IL6R: variants seen among roughly 807,000 people sequenced by gnomAD.
IL6R encodes interleukin-6 receptor subunit alpha.
IL6R carries 38 observed loss-of-function variants against 48.3 expected under a neutral mutation model. The ratio of observed to expected loss-of-function variants is 0.79; its 90% CI spans 0.61 to 1.03. The LOEUF (loss-of-function observed/expected upper bound fraction) is 1.03. IL6R is among the 50% of genes least tolerant of loss of function. The pLI, the probability that IL6R is intolerant of heterozygous loss-of-function variation, is 0.00. For missense variants in IL6R, 534 were observed against 618.3 expected (o/e 0.86, Z 1.45); for synonymous variants, 264 against 256.2 (o/e 1.03, Z -0.29).
intron 8 of IL6R, among the ~76,000 whole-genome samples, chr1:154,450,242 C>T (rs1305107227): frequency 6.6e-6 from 1 of 152,024 alleles, no homozygotes; most frequent in African/African-American, 2.4e-5. Flanking sequence ...TCTCCTGCCT[C>T]AGCCTCCCAA....
rs537961306 is a variant in IL6R, at chr1:154,454,277, G to GAAAC, written c.1067-191_1067-188dup. On this transcript the variant is annotated intron_variant, in intron 8 of 9. Transcript: ENST00000368485. ...TGGAATCTAGAGTGGGCTTTGTTAA[G>GAAAC]AAACAAACAAACAAACAAACAAAAA... The GAAAC allele has an allele frequency of 7.9e-4, 463 of 582,452 alleles. 1 individual carries two copies. Among genetic ancestry groups the GAAAC allele is most frequent in the African/African-American group, 5.3e-3 (284 of 53,564 alleles). 36.1% of individuals were successfully genotyped at this position (582,452 alleles called of 1,614,324 possible). A position where few individuals can be genotyped will look rare whatever the true frequency, so the allele number is the denominator to read the frequency against.
intron 1 of IL6R, among the ~76,000 whole-genome samples, chr1:154,426,965 C>G (rs1461179973): frequency 6.7e-6 from 1 of 150,028 alleles, no homozygotes; most frequent in Non-Finnish European, 1.5e-5. Context: ...TTTGCCCAGG[C>G]TGGAGTGCAG....
intron 9 of IL6R, among the ~76,000 whole-genome samples, chr1:154,460,453 T>A (rs1451525007): frequency 1.3e-5 from 2 of 152,180 alleles, no homozygotes; most frequent in African/African-American, 4.8e-5. Flanking sequence ...GGACAGAGAT[T>A]GCTTCCATAT....
intron 8 of IL6R, 122 bp downstream of exon 8, chr1:154,450,102 T>TTGTGTGTGTG (rs762323280): frequency 1.9e-5 from 9 of 463,406 alleles, no homozygotes; most frequent in East Asian, 1.6e-4. Flanking sequence ...CGCAGAAATG[T>TTGTGTGTGTG]TCTGTGTGTG....
In IL6R at chr1:154,458,857, C is replaced by T. The variant is rs570766655; in HGVS notation, c.1160+4276C>T. Among the ~76,000 whole-genome samples, 426 of 150,964 alleles carry T rather than the reference C, an allele frequency of 2.8e-3. 6 individuals are homozygous for T. The highest frequency in any genetic ancestry group is 0.014 in the South Asian group (65 of 4,788). ...CAGAGGTTGCAGTGAGCCGAGATCG[C>T]GCCACTGCACTCCAGCCTGGGCAGC... On this transcript the variant is annotated intron_variant, in intron 9 of 9. Coordinates refer to ENST00000368485, the MANE Select transcript of IL6R (RefSeq NM_000565.4).
At chr1:154,442,086 G>A (rs919403419) in intron 6 of IL6R, among the ~76,000 whole-genome samples, 2 of 152,144 alleles carry the variant, frequency 1.3e-5, no homozygotes, top group Non-Finnish European at 2.9e-5. Context: ...GGATGCCATC[G>A]TGAACTCACT....
At chr1:154,440,239 T>C (rs778339409) in intron 6 of IL6R, among the ~76,000 whole-genome samples, 5 of 152,208 alleles carry the variant, frequency 3.3e-5, no homozygotes, top group Non-Finnish European at 7.3e-5. Context: ...CAGACTTTCC[T>C]CCCTTTTTAA....
intron 3 of IL6R, 107 bp downstream of exon 3, chr1:154,430,713 T>G: frequency 7.0e-7 from 1 of 1,424,134 alleles, no homozygotes; most frequent in Non-Finnish European, 9.7e-7. Context: ...TAGGAATTAA[T>G]TCCTTCAGGC....
rs781365292 is a variant in IL6R at position 154,434,503 on chromosome 1, G to A, written c.459-16G>A. 1.2e-6 allele frequency: 2 copies of A among 1,608,104 alleles called. No homozygotes were observed. The highest frequency in any genetic ancestry group is 1.7e-5 in the Admixed American group (1 of 59,128). The stretch of plus-strand genomic sequence containing the variant: ...AAACTGACAGGCAAGCCCTGCCCTT[G>A]TTTTGTGTCTAACAGTCAGAACAGT... On this transcript the variant is annotated splice_polypyrimidine_tract_variant and intron_variant, in intron 3 of 9. Transcript: ENST00000368485.
At chr1:154,420,901 A>G (rs751105636) in intron 1 of IL6R, among the ~76,000 whole-genome samples, 1 of 152,180 alleles carries the variant, frequency 6.6e-6, no homozygotes, top group Non-Finnish European at 1.5e-5. Context: ...CCAACCCCAC[A>G]CAATTAATAG....
chr1:154,425,146 C>T (rs980417581), intron 1 of IL6R, among the ~76,000 whole-genome samples: 12 of 152,100 alleles, frequency 7.9e-5, no homozygotes, highest in African/African-American at 7.2e-5. Flanking sequence ...GGTGTGGCGC[C>T]GGGCTGTCTG....
In IL6R at chr1:154,465,153, C is replaced by T. The variant is rs776702105; in HGVS notation, c.1180C>T (p.Leu394=). 12 of 1,614,144 alleles carry T rather than the reference C, an allele frequency of 7.4e-6. No homozygotes were observed. The highest frequency in any genetic ancestry group is 1.0e-5 in the Non-Finnish European group (12 of 1,180,040). The change falls in exon 10 of 10, where the codon CTG becomes TTG. Residue 394 remains leucine (L), a synonymous_variant. Transcript: ENST00000368485. ...GTGAAGGTTCAAGAAGACGTGGAAG[C>T]TGCGGGCTCTGAAGGAAGGCAAGAC... ...IVLRFKKTWK[L]RALKEGKTSM...
chr1:154,407,397 G>C (rs557197037), intron 1 of IL6R, among the ~76,000 whole-genome samples: 62 of 152,240 alleles, frequency 4.1e-4, no homozygotes, highest in African/African-American at 1.4e-3. Flanking sequence ...CCATTTCCCT[G>C]GTGCTCAGGA....
intron 6 of IL6R, among the ~76,000 whole-genome samples, chr1:154,447,751 A>G (rs1449402609): frequency 6.9e-6 from 1 of 145,746 alleles, no homozygotes; most frequent in African/African-American, 2.5e-5. Context: ...TTTTGCTCTT[A>G]TTGCCCATGC....
In IL6R at chr1:154,466,911, A is replaced by T. The variant is rs1297103496; in HGVS notation, c.*1531A>T. On this transcript the variant is annotated 3_prime_UTR_variant, in exon 10 of 10. Transcript: ENST00000368485. ...CTATTAGAGAAGAGATTGTGGTTTC[A>T]TTCTGTATTTTGTTTTTGTCTTAAA... is the stretch of plus-strand genomic sequence containing the variant. 1 of 153,074 alleles carries T rather than the reference A, an allele frequency of 6.5e-6. No homozygotes were observed. Among genetic ancestry groups the T allele is most frequent in the African/African-American group, 2.4e-5 (1 of 41,448 alleles). The allele number at this position is 153,074 out of a possible 1,614,324, so 9.5% of individuals were successfully genotyped here.
At chr1:154,437,240 G>T (rs1689672498) in intron 6 of IL6R, among the ~76,000 whole-genome samples, 1 of 152,096 alleles carries the variant, frequency 6.6e-6, no homozygotes, top group South Asian at 2.1e-4. Context: ...GGGACTACAG[G>T]CACCTGCCAC....
At chr1:154,431,861 G>A (rs1484216121) in intron 3 of IL6R, among the ~76,000 whole-genome samples, 1 of 152,200 alleles carries the variant, frequency 6.6e-6, no homozygotes, top group Non-Finnish European at 1.5e-5. Flanking sequence ...TGTCCTGGGC[G>A]GGACGGTGTG....
chr1:154,429,575 C>T (rs1689178918), intron 2 of IL6R, 131 bp downstream of exon 2: 1 of 1,037,074 alleles, frequency 9.6e-7, no homozygotes, highest in Non-Finnish European at 1.4e-6. Flanking sequence ...GGAAGGCCCA[C>T]CAATGTCTGC....
intron 9 of IL6R, among the ~76,000 whole-genome samples, chr1:154,460,982 T>C (rs1691225815): frequency 6.6e-6 from 1 of 152,268 alleles, no homozygotes; most frequent in East Asian, 1.9e-4. Flanking sequence ...ATTTTTTGCA[T>C]ACAAGACGAG....
Sources: gnomAD v4.1 joint callset for allele counts (sites outside exome capture counted in the v4.1 genomes callset) on GRCh38, gnomAD v4.1.1 for gene constraint, MANE v1.5 for transcripts, NCBI Gene and HGNC (gene_info 2026-07-23, HGNC 2026-07-21) for gene names.